The following CNTN6 variants were observed in gnomAD, a reference collection of about 807,000 sequenced individuals.
The protein encoded by CNTN6 is contactin 6, also known as contactin-6.
In CNTN6, 137 loss-of-function variants were observed where a neutral mutation model predicts 122.8. The ratio of observed to expected loss-of-function variants is 1.12; its 90% CI spans 0.97 to 1.29. The LOEUF is 1.29. CNTN6 is among the 50% of genes most tolerant of loss of function. The probability of loss-of-function intolerance (pLI) is 0.00; values close to 1 mark genes in which losing one functional copy is unlikely to be tolerated. For missense variants in CNTN6, 1,634 were observed against 1,223.4 expected, an observed-to-expected ratio of 1.34 and a Z score of -5.01; for synonymous variants, 570 against 426.0, an observed-to-expected ratio of 1.34 and a Z score of -4.16.
chr3:1,098,330 A>G (rs2090650577), intron 1 of CNTN6, among the ~76,000 whole-genome samples: 1 of 152,132 alleles, frequency 6.6e-6, no homozygotes, highest in African/African-American at 2.4e-5. Context: ...GAGAACAAAT[A>G]AGCCAGAATT....
At chr3:1,352,076 C>T (rs550761135) in intron 11 of CNTN6, among the ~76,000 whole-genome samples, 4 of 151,800 alleles carry the variant, frequency 2.6e-5, no homozygotes, top group South Asian at 4.2e-4. Context: ...GCTTTGAAAT[C>T]GACAATGATA....
chr3:1,382,819 A>ATTAAACAGAATAAATATCCATATTT (rs1692113354), intron 17 of CNTN6, 123 bp from the exon 18 acceptor site: 1 of 690,130 alleles, frequency 1.4e-6, no homozygotes, highest in South Asian at 2.0e-5. Flanking sequence ...TTAATACATC[A>ATTAAACAGAATAAATATCCATATTT]TTAAACAGAA....
chr3:1,101,279 A>G (rs2090881170), intron 1 of CNTN6, among the ~76,000 whole-genome samples: 1 of 152,016 alleles, frequency 6.6e-6, no homozygotes, highest in Non-Finnish European at 1.5e-5. Context: ...CCTTTTTGGG[A>G]GGTTATTCCA....
At chr3:1,368,969 G>C (rs1298984976) in intron 12 of CNTN6, among the ~76,000 whole-genome samples, 1 of 152,126 alleles carries the variant, frequency 6.6e-6, no homozygotes, top group Non-Finnish European at 1.5e-5. Flanking sequence ...CTTATATCCT[G>C]ACCAAGGCTA....
At chr3:1,384,486 C>T (rs1202753267) in intron 19 of CNTN6, among the ~76,000 whole-genome samples, 1 of 142,738 alleles carries the variant, frequency 7.0e-6, no homozygotes, top group Non-Finnish European at 1.5e-5. Context: ...AAGAATAAGG[C>T]AAATTACATT....
At chr3:1,242,499 G>A (rs916202008) in intron 4 of CNTN6, among the ~76,000 whole-genome samples, 3 of 152,210 alleles carry the variant, frequency 2.0e-5, no homozygotes, top group African/African-American at 7.2e-5. Flanking sequence ...TGCTGTAGCA[G>A]GCAAGTGATA....
chr3:1,384,061 C>T lies in CNTN6; in HGVS notation c.2517+653C>T, dbSNP rs558184908. On this transcript the variant is annotated intron_variant, in intron 19 of 22. Transcript: ENST00000446702. ...GGAAATCTTTCTAGGTAATTCAAAGCAAACAAATTAACACATAGTAGCCAT... is the reference window on the plus strand; with the variant it reads ...GGAAATCTTTCTAGGTAATTCAAAGTAAACAAATTAACACATAGTAGCCAT... Among the ~76,000 whole-genome samples the T allele has an allele frequency of 4.6e-5, 7 of 152,188 alleles. No homozygotes were observed. The South Asian group carries it at 1.2e-3, about 27-fold the overall frequency.
At chr3:1,365,370 A>G (rs530676169) in intron 12 of CNTN6, among the ~76,000 whole-genome samples, 66 of 152,200 alleles carry the variant, frequency 4.3e-4, no homozygotes, top group African/African-American at 1.4e-3. Flanking sequence ...TTTCTAAATT[A>G]TTTAGAATTC....
intron 16 of CNTN6, among the ~76,000 whole-genome samples, chr3:1,374,503 G>A (rs989646841): frequency 2.6e-5 from 4 of 152,142 alleles, no homozygotes; most frequent in East Asian, 1.9e-4. Flanking sequence ...GCTTCACTGA[G>A]CAGTAGTATA....
chr3:1,397,412 TTAAG>T (rs1343012851), intron 20 of CNTN6, among the ~76,000 whole-genome samples: 3 of 152,102 alleles, frequency 2.0e-5, no homozygotes, highest in Admixed American at 6.6e-5. Flanking sequence ...GCCAAACTTC[TTAAG>T]TATTATTGTT....
intron 1 of CNTN6, among the ~76,000 whole-genome samples, chr3:1,099,244 G>T (rs2090726490): frequency 6.6e-6 from 1 of 152,052 alleles, no homozygotes; most frequent in Non-Finnish European, 1.5e-5. Flanking sequence ...GAGGTCAGGA[G>T]ATCGAGACCA....
At chr3:1,178,426 T>G (rs1197802471) in intron 2 of CNTN6, among the ~76,000 whole-genome samples, 2 of 152,196 alleles carry the variant, frequency 1.3e-5, no homozygotes, top group African/African-American at 4.8e-5. Flanking sequence ...GATTTCTACT[T>G]GATTTTTACC....
At chr3:1,133,605 C>G (rs899103347) in intron 1 of CNTN6, among the ~76,000 whole-genome samples, 15 of 152,168 alleles carry the variant, frequency 9.9e-5, no homozygotes, top group African/African-American at 3.1e-4. Context: ...TGACTGCCCC[C>G]TCTTGAGGCG....
rs1363192090 is a variant in CNTN6, at chr3:1,245,220, AT to A, written c.358+17228del. The stretch of plus-strand genomic sequence containing the variant: ...GTGATATATATATATATATATATAT[AT>A]ATATATATATATATACACACACACA... On this transcript the variant is annotated intron_variant, in intron 4 of 22. Transcript: ENST00000446702. 6.9e-4 allele frequency among the ~76,000 whole-genome samples: 16 copies of A among 23,174 alleles called. 1 individual carries two copies. The highest frequency in any genetic ancestry group is 4.4e-3 in the African/African-American group (14 of 3,208). 15.2% of individuals were successfully genotyped at this position (23,174 alleles called of 152,430 possible). A position where few individuals can be genotyped will look rare whatever the true frequency, so the allele number is the denominator to read the frequency against.
At chr3:1,315,545 A>G (rs1016452341) in intron 7 of CNTN6, among the ~76,000 whole-genome samples, 3 of 152,050 alleles carry the variant, frequency 2.0e-5, no homozygotes, top group Non-Finnish European at 4.4e-5. Context: ...TTTAGCTCAG[A>G]TGGCATATGG....
intron 4 of CNTN6, 58 bp from the exon 5 acceptor site, chr3:1,278,355 T>C: frequency 8.4e-7 from 1 of 1,196,868 alleles, no homozygotes; most frequent in South Asian, 1.4e-5. Context: ...GATTCTTCTT[T>C]AAAATATTTA....
intron 2 of CNTN6, among the ~76,000 whole-genome samples, chr3:1,214,949 G>C (rs2094109349): frequency 6.6e-6 from 1 of 151,980 alleles, no homozygotes; most frequent in Non-Finnish European, 1.5e-5. Context: ...GTAGAGACAG[G>C]GTCTCCCTAT....
At chr3:1,171,824 C>A (rs1351042101) in intron 2 of CNTN6, among the ~76,000 whole-genome samples, 2 of 152,148 alleles carry the variant, frequency 1.3e-5, no homozygotes, top group Non-Finnish European at 2.9e-5. Context: ...CTAGGCTGGT[C>A]TTGAACTCCT....
intron 4 of CNTN6, among the ~76,000 whole-genome samples, chr3:1,232,609 A>C (rs941887770): frequency 6.6e-6 from 1 of 152,208 alleles, no homozygotes; most frequent in African/African-American, 2.4e-5. Context: ...AAGCAGATTG[A>C]GGCACAGAAG....
Sources: gnomAD v4.1 joint callset for allele counts (sites outside exome capture counted in the v4.1 genomes callset) on GRCh38, gnomAD v4.1.1 for gene constraint, MANE v1.5 for transcripts, NCBI Gene and HGNC (gene_info 2026-07-23, HGNC 2026-07-21) for gene names.